The following MTFMT variants were observed in gnomAD, a reference collection of about 807,000 sequenced individuals.
The protein encoded by MTFMT is methionyl-tRNA formyltransferase, mitochondrial.
Under a neutral mutation model 51.8 loss-of-function variants are expected in MTFMT, and 47 were observed. The ratio of observed to expected loss-of-function variants is 0.91; its 90% CI spans 0.72 to 1.16. The LOEUF (loss-of-function observed/expected upper bound fraction) is 1.16. Ranked by LOEUF, MTFMT falls within the 50% of genes most tolerant of loss-of-function variation. MTFMT has a pLI of 0.00. For missense variants in MTFMT, 512 were observed against 482.3 expected, an observed-to-expected ratio of 1.06 and a Z score of -0.58; for synonymous variants, 196 against 176.7, an observed-to-expected ratio of 1.11 and a Z score of -0.87.
chr15:65,012,055 G>T (rs2086272161), intron 6 of MTFMT, among the ~76,000 whole-genome samples: 1 of 143,380 alleles, frequency 7.0e-6, no homozygotes, highest in South Asian at 2.2e-4. Context: ...TTTTGATTGT[G>T]GACATCCAGT....
chr15:65,011,277 G>A (rs774091556), intron 6 of MTFMT, among the ~76,000 whole-genome samples: 87 of 152,096 alleles, frequency 5.7e-4, no homozygotes, highest in African/African-American at 2.0e-3. Context: ...AGCCAAGGTC[G>A]CACCATTGCA....
At position 65,029,452 on chromosome 15, in the gene MTFMT, G is replaced by A. The variant is rs1333205983; in HGVS notation, c.162C>T (p.Gly54=). The A allele has an allele frequency of 3.3e-6, 5 of 1,529,600 alleles. No homozygotes were observed. Among genetic ancestry groups the A allele is most frequent in the South Asian group, 1.2e-5 (1 of 81,858 alleles). 94.8% of individuals were successfully genotyped at this position (1,529,600 alleles called of 1,614,324 possible). Residue 54 remains glycine, a synonymous_variant, in exon 1 of 9, where the codon GGC becomes GGT. Transcript: ENST00000220058. ...GCGCCTCGCGGGCGAACTGGTCCGT[G>A]CCGAAGAAGAGCACCCGCCAGGGAG... The part of the protein sequence containing the change: ...EKPPWRVLFF[G]TDQFAREALR...
intron 5 of MTFMT, among the ~76,000 whole-genome samples, chr15:65,017,498 T>C (rs1032250105): frequency 1.3e-5 from 2 of 152,178 alleles, no homozygotes; most frequent in African/African-American, 4.8e-5. Context: ...TATGATATAT[T>C]CACATAGCTG....
At position 65,026,911 on chromosome 15, in the gene MTFMT, C is replaced by T. The variant is rs1245145688; in HGVS notation, c.339G>A (p.Val113=). The part of the protein sequence containing the change: ...SQLPVYEWPD[V]GSGEYDVGVV... ...CTCCAACATCATATTCTCCAGATCC[C>T]ACATCCGGCCACTCATATACGGGAA... is the stretch of plus-strand genomic sequence containing the variant. The change falls in exon 2 of 9, where the codon GTG becomes GTA. Residue 113 remains valine, a synonymous_variant. Coordinates refer to ENST00000220058, the MANE Select transcript of MTFMT (RefSeq NM_139242.4). 2.5e-6 allele frequency: 4 copies of T among 1,614,012 alleles called. No individual in the cohort carries two copies. Among genetic ancestry groups the T allele is most frequent in the South Asian group, 1.1e-5 (1 of 91,086 alleles).
intron 2 of MTFMT, among the ~76,000 whole-genome samples, chr15:65,024,184 G>A (rs2086401054): frequency 6.6e-6 from 1 of 152,152 alleles, no homozygotes; most frequent in South Asian, 2.1e-4. Context: ...AAATTAGCCA[G>A]GTGTGGTGGC....
rs955487254 is a variant in MTFMT, at chr15:65,002,142, T to A, written c.*920A>T. 3.9e-5 allele frequency: 6 copies of A among 152,028 alleles called. No individual in the cohort carries two copies. The highest frequency in any genetic ancestry group is 9.7e-5 in the African/African-American group (4 of 41,384). The allele number at this position is 152,028 out of a possible 1,614,324, so 9.4% of individuals were successfully genotyped here. A position where few individuals can be genotyped will look rare whatever the true frequency, so the allele number is the denominator to read the frequency against. On this transcript the variant is annotated 3_prime_UTR_variant, in exon 9 of 9. Coordinates refer to ENST00000220058, the MANE Select transcript of MTFMT (RefSeq NM_139242.4). ...GGCCAGGCACGGTGGCTCACAGCTGTAATCCCAGCACTTTGGGAGGCCAAG... is the reference window on the plus strand; with the variant it reads ...GGCCAGGCACGGTGGCTCACAGCTGAAATCCCAGCACTTTGGGAGGCCAAG...
chr15:65,012,735 T>C (rs909695156), intron 6 of MTFMT, among the ~76,000 whole-genome samples: 2 of 152,176 alleles, frequency 1.3e-5, no homozygotes, highest in African/African-American at 2.4e-5. Flanking sequence ...TAATGAGCTA[T>C]AGCCAGTACC....
rs1046864001 is a variant in MTFMT, at chr15:65,020,287, AAAAG to A, written c.646-19_646-16del. 2 of 1,607,316 alleles carry A rather than the reference AAAAG, an allele frequency of 1.2e-6. No homozygotes were observed. Among genetic ancestry groups the A allele is most frequent in the Non-Finnish European group, 1.7e-6 (2 of 1,176,244 alleles). ...ACTGAAATGAGCTACAAAAAAAAAAAAAAGAGTGTGATATATTCAAAATGAAGGG... is the reference window on the plus strand; with the variant it reads ...ACTGAAATGAGCTACAAAAAAAAAAAAGTGTGATATATTCAAAATGAAGGG... On this transcript the variant is annotated splice_polypyrimidine_tract_variant and intron_variant, in intron 4 of 8. Coordinates refer to ENST00000220058, the MANE Select transcript of MTFMT (RefSeq NM_139242.4).
chr15:65,005,097 C>G (rs996935982), intron 7 of MTFMT, among the ~76,000 whole-genome samples, 161 bp from the exon 8 acceptor site: 2 of 152,166 alleles, frequency 1.3e-5, no homozygotes, highest in South Asian at 4.1e-4. Context: ...ACAAGGAAAC[C>G]ACAGTGCTCT....
intron 1 of MTFMT, 56 bp downstream of exon 1, chr15:65,029,349 C>T: frequency 7.4e-7 from 1 of 1,351,924 alleles, no homozygotes; most frequent in South Asian, 1.8e-5. Context: ...GCCGGCCGCC[C>T]GGGCGCGGCC....
intron 6 of MTFMT, among the ~76,000 whole-genome samples, chr15:65,006,612 A>G (rs1016893822): frequency 6.6e-5 from 10 of 151,828 alleles, no homozygotes; most frequent in African/African-American, 1.7e-4. Flanking sequence ...TCCTGACCTC[A>G]TGATCCGCCC....
In MTFMT at chr15:65,029,545, A is replaced by C; in HGVS notation, c.69T>G (p.Ser23Arg). 3.3e-6 allele frequency: 5 copies of C among 1,510,294 alleles called. No homozygotes were observed. The highest frequency in any genetic ancestry group is 4.4e-6 in the Non-Finnish European group (5 of 1,129,808). 93.6% of individuals were successfully genotyped at this position (1,510,294 alleles called of 1,614,324 possible). A position where few individuals can be genotyped will look rare whatever the true frequency, so the allele number is the denominator to read the frequency against. The change falls in exon 1 of 9, where the codon AGT becomes AGG. Residue 23 changes from serine to arginine, a missense_variant. By Grantham distance (110) the Ser-to-Arg change is moderately radical. Coordinates refer to ENST00000220058, the MANE Select transcript of MTFMT (RefSeq NM_139242.4). ...LAHGARRGRPSPQWRALARLG... is the reference protein window; with the variant it reads ...LAHGARRGRPRPQWRALARLG... Reference sequence around the variant, plus strand: ...GTCGGGCCAGTGCTCGCCACTGGGGACTCGGCCTCCCACGCCTGGCGCCAT... The same window carrying C: ...GTCGGGCCAGTGCTCGCCACTGGGGCCTCGGCCTCCCACGCCTGGCGCCAT...
At chr15:65,018,082 G>A (rs558206927) in intron 5 of MTFMT, among the ~76,000 whole-genome samples, 24 of 151,492 alleles carry the variant, frequency 1.6e-4, no homozygotes, top group Middle Eastern at 3.4e-3. Context: ...TTTTTAAGCT[G>A]TTTTAACTTT....
chr15:65,028,674 A>C (rs879724103), intron 1 of MTFMT, among the ~76,000 whole-genome samples: 5 of 152,306 alleles, frequency 3.3e-5, no homozygotes, highest in Admixed American at 2.0e-4. Context: ...GTCAGAAAAA[A>C]ACAGAATGGG....
rs550446147 is a variant in MTFMT at position 65,021,511 on chromosome 15, T to C, written c.645+3A>G. The C allele has an allele frequency of 1.3e-5, 21 of 1,604,002 alleles. No individual in the cohort carries two copies. In the South Asian group the frequency reaches 2.0e-4, roughly 15 times the overall value. On this transcript the variant is annotated splice_donor_region_variant and intron_variant, in intron 4 of 8. Transcript: ENST00000220058. ...AAAGCAGTAGGATATTGGGGAATTA[T>C]ACCATGTTGGCACCCAGTCTTGACA...
chr15:65,010,070 A>G (rs1950759154), intron 6 of MTFMT, among the ~76,000 whole-genome samples: 1 of 151,988 alleles, frequency 6.6e-6, no homozygotes, highest in Non-Finnish European at 1.5e-5. Flanking sequence ...AATCCTACTC[A>G]ATCTTGCTTC....
Position 65,003,264 on chromosome 15 carries a change from G to C in MTFMT, c.976-8C>G. The C allele has an allele frequency of 6.2e-7, 1 of 1,608,728 alleles. No homozygotes were observed. Among genetic ancestry groups the C allele is most frequent in the Non-Finnish European group, 8.5e-7 (1 of 1,176,868 alleles). The stretch of plus-strand genomic sequence containing the variant: ...AACACCAATCCAACCATCCTAAAGG[G>C]CAAAATACAAATAGTGAATAGGCAG... On this transcript the variant is annotated splice_region_variant and splice_polypyrimidine_tract_variant and intron_variant, in intron 8 of 8. Transcript: ENST00000220058.
rs1374966521 is a variant in MTFMT, at chr15:65,002,227, T to C, written c.*835A>G. 6.6e-6 allele frequency: 1 copy of C among 151,002 alleles called. No homozygotes were observed. The highest frequency in any genetic ancestry group is 6.6e-5 in the Admixed American group (1 of 15,144). 9.4% of individuals were successfully genotyped at this position (151,002 alleles called of 1,614,324 possible). A position where few individuals can be genotyped will look rare whatever the true frequency, so the allele number is the denominator to read the frequency against. ...TCCTGGCTAACACAGTGAAACCCCA[T>C]CTCTACTAAAAATACAAAAAAAAAA... On this transcript the variant is annotated 3_prime_UTR_variant, in exon 9 of 9. Coordinates refer to ENST00000220058, the MANE Select transcript of MTFMT (RefSeq NM_139242.4).
chr15:65,026,793 A>G, intron 2 of MTFMT, 38 bp downstream of exon 2: 1 of 1,507,804 alleles, frequency 6.6e-7, no homozygotes, highest in Non-Finnish European at 9.1e-7. Context: ...ATAAAGACCA[A>G]GGTTTCTATA....
Sources: allele counts gnomAD v4.1 joint callset (sites outside exome capture counted in the v4.1 genomes callset), GRCh38; gene constraint gnomAD v4.1.1; transcripts MANE v1.5; gene names NCBI Gene and HGNC (gene_info 2026-07-23, HGNC 2026-07-21).